Variants in SULT1E1 observed in about 807,000 individuals in gnomAD.
SULT1E1 encodes the protein sulfotransferase 1E1.
Under a neutral mutation model 33.6 loss-of-function variants are expected in SULT1E1, and 36 were observed. The observed-to-expected ratio is 1.07, with a 90% CI of 0.82 to 1.41. The LOEUF (loss-of-function observed/expected upper bound fraction) is 1.41. Ranked by LOEUF, SULT1E1 falls within the 40% of genes most tolerant of loss-of-function variation. The pLI is 0.00. For synonymous variants in SULT1E1, 121 were observed against 111.7 expected (o/e 1.08, Z -0.53); for missense variants, 371 against 345.7 (o/e 1.07, Z -0.58).
chr4:69,846,777 T>A (rs1346423382), intron 6 of SULT1E1, among the ~76,000 whole-genome samples: 1 of 151,728 alleles, frequency 6.6e-6, no homozygotes, highest in African/African-American at 2.4e-5. Flanking sequence ...TTTGTTATTG[T>A]CAGATATTTA....
At chr4:69,844,414 A>T in intron 6 of SULT1E1, 73 bp from the exon 7 acceptor site, 1 of 1,188,302 alleles carries the variant, frequency 8.4e-7, no homozygotes, top group Non-Finnish European at 1.2e-6. Context: ...AAAGAGAAAA[A>T]ATAAACCTTT....
chr4:69,836,852 TTGAAA>T (rs949503012), downstream of SULT1E1, among the ~76,000 whole-genome samples: 1 of 151,386 alleles, frequency 6.6e-6, no homozygotes, highest in African/African-American at 2.4e-5. Context: ...AAATTGGAGA[TTGAAA>T]TATAGACAAT....
intron 6 of SULT1E1, among the ~76,000 whole-genome samples, chr4:69,845,763 A>G (rs1333489814): frequency 1.3e-5 from 2 of 151,410 alleles, no homozygotes; most frequent in Admixed American, 6.6e-5. Flanking sequence ...ATGGAGGAAG[A>G]GAGTTGGAGT....
intron 7 of SULT1E1, 139 bp downstream of exon 7, chr4:69,844,022 A>G: frequency 1.4e-6 from 1 of 719,950 alleles, no homozygotes; most frequent in South Asian, 1.6e-5. Context: ...TAACTTAAAG[A>G]GTGTATTCAA....
At chr4:69,828,069 G>A in the SULT1E1 span, among the ~76,000 whole-genome samples, 3 of 152,180 alleles carry the variant, frequency 2.0e-5, no homozygotes, top group East Asian at 1.9e-4. Flanking sequence ...TGAGGCAAGT[G>A]CCAGCACATG....
intron 4 of SULT1E1, among the ~76,000 whole-genome samples, chr4:69,853,424 C>T (rs1175831879): frequency 1.3e-5 from 2 of 152,108 alleles, no homozygotes; most frequent in African/African-American, 2.4e-5. Flanking sequence ...AGCTAATCTG[C>T]CTTTACTTAT....
chr4:69,857,819 A>T (rs1483596215), intron 1 of SULT1E1, among the ~76,000 whole-genome samples, 166 bp from the exon 2 acceptor site: 2 of 152,208 alleles, frequency 1.3e-5, no homozygotes, highest in Non-Finnish European at 2.9e-5. Flanking sequence ...TGGTACATAG[A>T]GAGTTTTTAA....
intron 4 of SULT1E1, among the ~76,000 whole-genome samples, chr4:69,851,325 A>G (rs1721098383): frequency 6.6e-6 from 1 of 152,214 alleles, no homozygotes; most frequent in Non-Finnish European, 1.5e-5. Context: ...ATATGAACAG[A>G]CACTTCTCAA....
Position 69,858,377 on chromosome 4 carries a change from G to A in SULT1E1, c.-9-724C>T, listed in dbSNP as rs189347358. Among the ~76,000 whole-genome samples, 4 of 152,176 alleles carry A rather than the reference G, an allele frequency of 2.6e-5. No homozygotes were observed. The East Asian group carries it at 7.7e-4, about 29-fold the overall frequency. ...GTTATCATTTCCTAATTCATCTCCT[G>A]ATCCCATGACAATCTATTTCATGTT... On this transcript the variant is annotated intron_variant, in intron 1 of 7. Transcript: ENST00000226444.
chr4:69,836,005 TA>T, the SULT1E1 span, among the ~76,000 whole-genome samples: 1 of 152,202 alleles, frequency 6.6e-6, no homozygotes, highest in Non-Finnish European at 1.5e-5. Flanking sequence ...TTGTCATTGT[TA>T]AAATTTCATA....
chr4:69,859,797 G>A (rs1721327033), intron 1 of SULT1E1, among the ~76,000 whole-genome samples: 1 of 152,048 alleles, frequency 6.6e-6, no homozygotes, highest in African/African-American at 2.4e-5. Context: ...GCACTTTTAA[G>A]ATAGCAATGG....
the SULT1E1 span, among the ~76,000 whole-genome samples, chr4:69,828,008 T>C: frequency 6.6e-6 from 1 of 152,218 alleles, no homozygotes; most frequent in Non-Finnish European, 1.5e-5. Context: ...CAAAGGTTCT[T>C]TAGGCCAGAA....
intron 3 of SULT1E1, 95 bp from the exon 4 acceptor site, chr4:69,854,409 G>A (rs1721194347): frequency 2.7e-6 from 2 of 753,976 alleles, no homozygotes; most frequent in South Asian, 4.4e-5. Context: ...GTAATTCTAA[G>A]ATTCTATATT....
intron 6 of SULT1E1, among the ~76,000 whole-genome samples, chr4:69,845,491 A>G (rs1286431245): frequency 2.0e-5 from 3 of 151,428 alleles, no homozygotes; most frequent in Admixed American, 6.6e-5. Flanking sequence ...AAAAAAGATT[A>G]TATGTATATA....
chr4:69,850,278 T>C (rs1257148483), intron 4 of SULT1E1, among the ~76,000 whole-genome samples: 1 of 152,078 alleles, frequency 6.6e-6, no homozygotes. Context: ...TGTGGCCTAC[T>C]CTAGGTCTGA....
Position 69,841,295 on chromosome 4 carries a change from T to C in SULT1E1, c.*699A>G, listed in dbSNP as rs964441260. 3 of 152,100 alleles carry C rather than the reference T, an allele frequency of 2.0e-5. No individual in the cohort carries two copies. Among genetic ancestry groups the C allele is most frequent in the East Asian group, 3.9e-4 (2 of 5,184 alleles). 9.4% of individuals were successfully genotyped at this position (152,100 alleles called of 1,614,324 possible). A position where few individuals can be genotyped will look rare whatever the true frequency, so the allele number is the denominator to read the frequency against. On this transcript the variant is annotated 3_prime_UTR_variant, in exon 8 of 8. Coordinates refer to ENST00000226444, the MANE Select transcript of SULT1E1 (RefSeq NM_005420.3). ...ACTACATCATTCCCATAGGTTATAGTTGTGCATGATATTTATAAAAAATAG... is the reference window on the plus strand; with the variant it reads ...ACTACATCATTCCCATAGGTTATAGCTGTGCATGATATTTATAAAAAATAG...
chr4:69,856,197 T>A (rs1438826856), intron 2 of SULT1E1, among the ~76,000 whole-genome samples: 1 of 152,162 alleles, frequency 6.6e-6, no homozygotes, highest in Non-Finnish European at 1.5e-5. Flanking sequence ...TAATTGGAAA[T>A]AGACTATAAG....
At chr4:69,850,322 A>T (rs1474552899) in intron 4 of SULT1E1, among the ~76,000 whole-genome samples, 1 of 152,086 alleles carries the variant, frequency 6.6e-6, no homozygotes, top group Admixed American at 6.6e-5. Flanking sequence ...CTGTGAAAGT[A>T]AAGTCCAGTA....
chr4:69,829,924 T>C, the SULT1E1 span, among the ~76,000 whole-genome samples: 2 of 152,216 alleles, frequency 1.3e-5, no homozygotes, highest in Non-Finnish European at 2.9e-5. Flanking sequence ...GAGCCTGGTC[T>C]GTCCTAGTCC....
Sources: gnomAD v4.1 joint callset for allele counts (sites outside exome capture counted in the v4.1 genomes callset) on GRCh38, gnomAD v4.1.1 for gene constraint, MANE v1.5 for transcripts, NCBI Gene and HGNC (gene_info 2026-07-23, HGNC 2026-07-21) for gene names.